NAP1L4: variants seen among roughly 807,000 people sequenced by gnomAD.
NAP1L4 encodes nucleosome assembly protein 1 like 4, also known as nucleosome assembly protein 1-like 4.
A neutral mutation model predicts 58.2 loss-of-function variants in NAP1L4; 15 were observed. The observed-to-expected ratio is 0.26, with a 90% CI of 0.17 to 0.40. NAP1L4 has a LOEUF of 0.40. NAP1L4 is among the 10% of genes least tolerant of loss of function. The pLI is 1.00. For synonymous variants in NAP1L4, 171 were observed against 155.6 expected, an observed-to-expected ratio of 1.10 and a Z score of -0.74; for missense variants, 384 against 451.1, an observed-to-expected ratio of 0.85 and a Z score of 1.35.
intron 1 of NAP1L4, chr11:2,983,618 G>GA (rs1848454982): frequency 6.7e-6 from 1 of 150,140 alleles, no homozygotes; most frequent in East Asian, 1.9e-4. Flanking sequence ...CTAAATCAAG[G>GA]ATAGAAAAAA....
rs1426186869 is a variant in NAP1L4, at chr11:2,971,031, C to T, written c.402+417G>A. On this transcript the variant is annotated intron_variant, in intron 6 of 15. Transcript: ENST00000380542. This position sits in a 1 kb window ranked among gnomAD's most constrained non-coding sequence, Gnocchi z 4.2. ...GTGACTGATGGCCACACCACAACCA[C>T]CATCTGCAACCAATCCACTGGCGGA... Among the ~76,000 whole-genome samples, 1 of 152,196 alleles carries T rather than the reference C, an allele frequency of 6.6e-6. No homozygotes were observed. The highest frequency in any genetic ancestry group is 1.5e-5 in the Non-Finnish European group (1 of 68,040).
In NAP1L4 at chr11:2,951,368, G is replaced by T; in HGVS notation, c.1066-53C>A. The T allele has an allele frequency of 6.7e-7, 1 of 1,500,346 alleles. No individual in the cohort carries two copies. 92.9% of individuals were successfully genotyped at this position (1,500,346 alleles called of 1,614,324 possible). Reference sequence around the variant, plus strand: ...GAATGACAAGATTTAAACTCTTGTGGCATTCACAATCCACAAACACAAGGA... The same window carrying T: ...GAATGACAAGATTTAAACTCTTGTGTCATTCACAATCCACAAACACAAGGA... On this transcript the variant is annotated intron_variant, in intron 13 of 15. Coordinates refer to ENST00000380542, the MANE Select transcript of NAP1L4 (RefSeq NM_005969.4). This position sits in a 1 kb window ranked among gnomAD's most constrained non-coding sequence, Gnocchi z 4.0.
chr11:2,947,737 C>A (rs1846014575), intron 15 of NAP1L4, among the ~76,000 whole-genome samples: 1 of 152,094 alleles, frequency 6.6e-6, no homozygotes, highest in Non-Finnish European at 1.5e-5. Context: ...GAGGAGTTGG[C>A]ATTTTAAAAG....
intron 3 of NAP1L4, 117 bp from the exon 4 acceptor site, chr11:2,976,240 TA>T (rs1847950761): frequency 1.5e-6 from 1 of 659,712 alleles, no homozygotes; most frequent in Admixed American, 3.1e-5. Context: ...TACTAATTTC[TA>T]AATACATACA....
intron 15 of NAP1L4, among the ~76,000 whole-genome samples, chr11:2,947,690 GTTGAGTCATTAATCAATGC>G (rs1158214880): frequency 6.6e-6 from 1 of 152,096 alleles, no homozygotes; most frequent in Non-Finnish European, 1.5e-5. Context: ...TTTAATGATG[GTTGAGTCATTAATCAATGC>G]TAAGATTATC....
At chr11:2,973,211 A>G (rs1847754849) in intron 4 of NAP1L4, among the ~76,000 whole-genome samples, 1 of 152,250 alleles carries the variant, frequency 6.6e-6, no homozygotes, top group Non-Finnish European at 1.5e-5. Context: ...CTGGAGAGTC[A>G]GGTCAACTAT....
chr11:2,990,967 TAA>T (rs1450305333), intron 1 of NAP1L4: 7 of 370,912 alleles, frequency 1.9e-5, no homozygotes, highest in Admixed American at 6.7e-5. Flanking sequence ...AGAGAATTTT[TAA>T]AAGTCTATTT....
rs1333745252 is a variant in NAP1L4, at chr11:2,951,293, CCCT to C, written c.1085_1087del (p.Glu362del). 4.3e-6 allele frequency: 7 copies of C among 1,614,068 alleles called. No homozygotes were observed. Among genetic ancestry groups the C allele is most frequent in the Admixed American group, 1.7e-5 (1 of 60,008 alleles). ...AATTTCCGCATCATCCTCGTCTTCTCCCTCCTCGTCACCTTCTAATTCCTGTAT... is the reference window on the plus strand; with the variant it reads ...AATTTCCGCATCATCCTCGTCTTCTCCCTCGTCACCTTCTAATTCCTGTAT... On this transcript the variant is annotated inframe_deletion, in exon 14 of 16. Transcript: ENST00000380542. This position sits in a 1 kb window ranked among gnomAD's most constrained non-coding sequence, Gnocchi z 4.0.
intron 10 of NAP1L4, among the ~76,000 whole-genome samples, chr11:2,957,028 G>A (rs778312831): frequency 3.3e-5 from 5 of 151,668 alleles, no homozygotes; most frequent in South Asian, 2.1e-4. Flanking sequence ...CTTTCAGTAC[G>A]TTAATTTTAG....
At position 2,951,725 on chromosome 11, in the gene NAP1L4, A is replaced by C; in HGVS notation, c.1065+55T>G. 1 of 1,585,004 alleles carries C rather than the reference A, an allele frequency of 6.3e-7. No individual in the cohort carries two copies. Among genetic ancestry groups the C allele is most frequent in the Non-Finnish European group, 8.7e-7 (1 of 1,154,650 alleles). ...GAGTCCATAACCTTCAAGCAGAGAA[A>C]GCCAAAGAAACAACTTCAGGGAGGT... On this transcript the variant is annotated intron_variant, in intron 13 of 15. Transcript: ENST00000380542. The surrounding 1 kb of genome is among the most constrained non-coding windows in gnomAD (Gnocchi z 4.0).
intron 3 of NAP1L4, among the ~76,000 whole-genome samples, chr11:2,977,172 C>T (rs975447673): frequency 2.6e-5 from 4 of 152,162 alleles, no homozygotes; most frequent in African/African-American, 7.2e-5. Context: ...CATATACAAA[C>T]ACATATGAAT....
intron 8 of NAP1L4, among the ~76,000 whole-genome samples, chr11:2,962,525 C>T (rs1309745435): frequency 1.3e-5 from 2 of 152,202 alleles, no homozygotes; most frequent in Non-Finnish European, 2.9e-5. Flanking sequence ...GCATTAGACG[C>T]TTCATAATAA....
At chr11:2,950,167 G>A (rs566943580) in intron 14 of NAP1L4, among the ~76,000 whole-genome samples, 61 of 152,314 alleles carry the variant, frequency 4.0e-4, no homozygotes, top group African/African-American at 1.3e-3. Context: ...AGCCCTCACC[G>A]CCCACCACCA....
chr11:2,973,931 C>T lies in NAP1L4; in HGVS notation c.174-1688G>A, dbSNP rs555093969. ...TACAGGGGCACATCACCATGCCCAG[C>T]TAATTTTTTTGCATCCTGTAGAGTA... On this transcript the variant is annotated intron_variant, in intron 4 of 15. Transcript: ENST00000380542. Among the ~76,000 whole-genome samples the T allele has an allele frequency of 4.6e-5, 7 of 152,144 alleles. No homozygotes were observed. The East Asian group carries it at 1.4e-3, about 29-fold the overall frequency.
chr11:2,952,415 A>T (rs1048102224), intron 12 of NAP1L4: 4 of 152,704 alleles, frequency 2.6e-5, no homozygotes, highest in African/African-American at 9.6e-5. Context: ...AGTTTCAAAC[A>T]TGAGACTTAC....
intron 4 of NAP1L4, among the ~76,000 whole-genome samples, chr11:2,972,848 G>A (rs1197232051): frequency 1.3e-5 from 2 of 152,142 alleles, no homozygotes; most frequent in East Asian, 3.9e-4. Flanking sequence ...GTGTGCGCCT[G>A]TAGTCCCAGC....
chr11:2,959,243 A>G lies in NAP1L4; in HGVS notation c.746+527T>C, dbSNP rs546598622. The stretch of plus-strand genomic sequence containing the variant: ...TAAATAAACGTAATTGTTTCAAGTC[A>G]AGACTAAAACCATTTCTCAGTCAAC... On this transcript the variant is annotated intron_variant, in intron 9 of 15. Coordinates refer to ENST00000380542, the MANE Select transcript of NAP1L4 (RefSeq NM_005969.4). The surrounding 1 kb of genome is among the most constrained non-coding windows in gnomAD (Gnocchi z 4.9). 6.6e-6 allele frequency among the ~76,000 whole-genome samples: 1 copy of G among 152,378 alleles called. No homozygotes were observed. The highest frequency in any genetic ancestry group is 2.4e-5 in the African/African-American group (1 of 41,596).
chr11:2,987,756 CA>C (rs57754393), intron 1 of NAP1L4, among the ~76,000 whole-genome samples: 29,298 of 69,632 alleles, frequency 0.42, 3,397 homozygotes, highest in East Asian at 0.62. Flanking sequence ...GACTCCACCT[CA>C]AAAAAAAAAA....
chr11:2,960,051 G>T lies in NAP1L4; in HGVS notation c.607-142C>A, dbSNP rs1422202276. Reference sequence around the variant, plus strand: ...CATGAACAAGAAAAACTTCTCCACCGCAAAAAAGACTAGCGTGAGGTTAAA... The same window carrying T: ...CATGAACAAGAAAAACTTCTCCACCTCAAAAAAGACTAGCGTGAGGTTAAA... On this transcript the variant is annotated intron_variant, in intron 8 of 15. Coordinates refer to ENST00000380542, the MANE Select transcript of NAP1L4 (RefSeq NM_005969.4). 5 of 815,640 alleles carry T rather than the reference G, an allele frequency of 6.1e-6. No individual in the cohort carries two copies. The Admixed American group carries it at 1.2e-4, about 19-fold the overall frequency. 50.5% of individuals were successfully genotyped at this position (815,640 alleles called of 1,614,324 possible). A position where few individuals can be genotyped will look rare whatever the true frequency, so the allele number is the denominator to read the frequency against.
Sources: gnomAD v4.1 joint callset for allele counts (sites outside exome capture counted in the v4.1 genomes callset) on GRCh38, gnomAD v4.1.1 for gene constraint, Gnocchi (gnomAD v3.1) non-coding constraint, MANE v1.5 for transcripts, NCBI Gene and HGNC (gene_info 2026-07-23, HGNC 2026-07-21) for gene names.